Variants in CCT7 observed in about 807,000 individuals in gnomAD.
CCT7 encodes the protein chaperonin containing TCP1 subunit 7.
In CCT7, 16 loss-of-function variants were observed where a neutral mutation model predicts 56.6. The ratio of observed to expected loss-of-function variants is 0.28; its 90% CI spans 0.19 to 0.43. The LOEUF is 0.43. Among genes scored for constraint, CCT7 ranks in the 20% least tolerant of loss-of-function variants. The pLI is 1.00. For synonymous variants in CCT7, 262 were observed against 254.8 expected (o/e 1.03, Z -0.27); for missense variants, 519 against 685.6 (o/e 0.76, Z 2.71).
At chr2:73,234,820 A>G (rs889806499) in intron 1 of CCT7, among the ~76,000 whole-genome samples, 3 of 152,210 alleles carry the variant, frequency 2.0e-5, no homozygotes, top group African/African-American at 7.2e-5. Context: ...GCACAGGCAC[A>G]TTGGGGACCT....
chr2:73,241,092 C>T (rs60514098), intron 3 of CCT7, among the ~76,000 whole-genome samples: 9,519 of 148,548 alleles, frequency 0.064, 658 homozygotes, highest in African/African-American at 0.18. Flanking sequence ...TTCTTAATAC[C>T]ATGTTTAAGT....
rs1349979185 is a variant in CCT7 at position 73,247,898 on chromosome 2, A to G, written c.755A>G (p.Asn252Ser). The change falls in exon 7 of 12, where the codon AAT (asparagine) becomes AGT (serine). Residue 252 changes from asparagine to serine, a missense_variant. Around this residue, in one of 3 missense-constraint regions of CCT7, gnomAD observed 276 missense variants for 357.3 expected, o/e 0.77. Coordinates refer to ENST00000258091, the MANE Select transcript of CCT7 (RefSeq NM_006429.4). ...CTCGAGTTGAAAGCTGAGAAAGACA[A>G]TGCTGAGATAAGAGTCCACACAGTT... ...VELELKAEKD[N>S]AEIRVHTVED... 2 of 1,614,160 alleles carry G rather than the reference A, an allele frequency of 1.2e-6. No homozygotes were observed. Among genetic ancestry groups the G allele is most frequent in the Admixed American group, 3.3e-5 (2 of 60,026 alleles).
At position 73,243,097 on chromosome 2, in the gene CCT7, A is replaced by T; in HGVS notation, c.361A>T (p.Ile121Phe). Residue 121 changes from isoleucine to phenylalanine, a missense_variant, in exon 4 of 12, where the codon ATC (isoleucine) becomes TTC (phenylalanine). This residue lies in a region of CCT7 where 276 missense variants were observed against 357.3 expected (regional missense o/e 0.77). Coordinates refer to ENST00000258091, the MANE Select transcript of CCT7 (RefSeq NM_006429.4). ...GGAGGAAGGTTTACACCCCCAGATC[A>T]TCATTCGAGCTTTCCGCACAGCCAC... ...YVEEGLHPQI[I>F]IRAFRTATQL... 3 of 1,614,048 alleles carry T rather than the reference A, an allele frequency of 1.9e-6. No individual in the cohort carries two copies. The highest frequency in any genetic ancestry group is 2.5e-6 in the Non-Finnish European group (3 of 1,179,890).
chr2:73,239,230 C>T (rs1003034189), intron 1 of CCT7: 2 of 159,862 alleles, frequency 1.3e-5, no homozygotes, highest in African/African-American at 4.8e-5. Context: ...TAAGATTGAG[C>T]TGTAACACAG....
intron 1 of CCT7, chr2:73,239,041 G>C (rs1462545036): frequency 6.6e-6 from 1 of 152,350 alleles, no homozygotes; most frequent in Non-Finnish European, 1.5e-5. Flanking sequence ...ATTGCTGTAT[G>C]AATTAGATTT....
Position 73,244,065 on chromosome 2 carries a change from G to A in CCT7, c.446+16G>A. ...CAGATAAAGTGTAAGTCTGTAGTGG[G>A]TTTTTTTTTTTTTTTTTAAAGAGAC... On this transcript the variant is annotated intron_variant, in intron 5 of 11. Transcript: ENST00000258091. The A allele has an allele frequency of 3.5e-6, 5 of 1,438,316 alleles. No individual in the cohort carries two copies. The highest frequency in any genetic ancestry group is 3.8e-6 in the Non-Finnish European group (4 of 1,061,066). The allele number at this position is 1,438,316 out of a possible 1,614,324, so 89.1% of individuals were successfully genotyped here.
intron 7 of CCT7, 101 bp from the exon 8 acceptor site, chr2:73,248,890 C>T: frequency 1.1e-6 from 1 of 887,936 alleles, no homozygotes; most frequent in Non-Finnish European, 1.8e-6. Flanking sequence ...CCAGATGAAT[C>T]AGCATGTTTT....
chr2:73,250,403 C>A lies in CCT7; in HGVS notation c.1168C>A (p.His390Asn). Residue 390 changes from histidine (H) to asparagine (N), a missense_variant, in exon 10 of 12, where the codon CAT becomes AAT. Coordinates refer to ENST00000258091, the MANE Select transcript of CCT7 (RefSeq NM_006429.4). ...QFMEETERSL[H>N]DAIMIVRRAI... ...TATGGAGGAGACAGAGCGGTCCCTG[C>A]ATGATGCCATCATGATCGTCAGGAG... 6.2e-7 allele frequency: 1 copy of A among 1,614,130 alleles called. No individual in the cohort carries two copies. The highest frequency in any genetic ancestry group is 8.5e-7 in the Non-Finnish European group (1 of 1,180,006).
In CCT7 at chr2:73,234,392, G is replaced by C. The variant is rs1199502727; in HGVS notation, c.6+8G>C. On this transcript the variant is annotated splice_region_variant and intron_variant, in intron 1 of 11. Coordinates refer to ENST00000258091, the MANE Select transcript of CCT7 (RefSeq NM_006429.4). ...TAAGCTTCCAAAATGATGGTGAGTG[G>C]CGTCTCGCGCATCCGTCGCCATCAG... 2 of 1,613,196 alleles carry C rather than the reference G, an allele frequency of 1.2e-6. No individual in the cohort carries two copies. The highest frequency in any genetic ancestry group is 1.3e-5 in the African/African-American group (1 of 74,960).
At chr2:73,237,790 T>C (rs1365175247) in intron 1 of CCT7, 1 of 152,200 alleles carries the variant, frequency 6.6e-6, no homozygotes, top group Non-Finnish European at 1.5e-5. Context: ...GGGCCTGGCA[T>C]GGTGCCTCAT....
At chr2:73,239,940 T>TA in intron 2 of CCT7, 144 bp downstream of exon 2, 1 of 720,860 alleles carries the variant, frequency 1.4e-6, no homozygotes, top group Non-Finnish European at 2.3e-6. Context: ...TTCCAATTCT[T>TA]ATATTGTCCT....
chr2:73,251,221 T>C lies in CCT7; in HGVS notation c.1204-5T>C. On this transcript the variant is annotated splice_region_variant and splice_polypyrimidine_tract_variant and intron_variant, in intron 10 of 11. Coordinates refer to ENST00000258091, the MANE Select transcript of CCT7 (RefSeq NM_006429.4). Reference sequence around the variant, plus strand: ...TTACATTGAGAGGTGGTCTGATCTCTGCAGAATGATTCAGTGGTGGCTGGT... The same window carrying C: ...TTACATTGAGAGGTGGTCTGATCTCCGCAGAATGATTCAGTGGTGGCTGGT... 6.2e-7 allele frequency: 1 copy of C among 1,614,076 alleles called. No homozygotes were observed. The highest frequency in any genetic ancestry group is 8.5e-7 in the Non-Finnish European group (1 of 1,179,958).
intron 11 of CCT7, among the ~76,000 whole-genome samples, chr2:73,251,938 CAAA>C (rs34402523): frequency 7.4e-6 from 1 of 134,412 alleles, no homozygotes; most frequent in South Asian, 2.4e-4. Context: ...GACTCCATCT[CAAA>C]AAAAAAAAAA....
intron 6 of CCT7, among the ~76,000 whole-genome samples, chr2:73,247,255 G>T (rs1227002203): frequency 1.3e-5 from 2 of 152,168 alleles, no homozygotes; most frequent in Non-Finnish European, 1.5e-5. Flanking sequence ...CAAGGCTATA[G>T]TATCCATGCT....
At chr2:73,243,718 C>G in intron 4 of CCT7, 1 of 376,208 alleles carries the variant, frequency 2.7e-6, no homozygotes. Context: ...TCCACTCATT[C>G]GTTGTAGCGT....
rs771328532 is a variant in CCT7 at position 73,252,633 on chromosome 2, C to T, written c.1411-7C>T. ...ATATTACCTCCTTTCTTTTCCTACT[C>T]TTTTAGGGGGGTACATGGTATGGAG... On this transcript the variant is annotated splice_region_variant and splice_polypyrimidine_tract_variant and intron_variant, in intron 11 of 11. Coordinates refer to ENST00000258091, the MANE Select transcript of CCT7 (RefSeq NM_006429.4). The T allele has an allele frequency of 1.6e-5, 26 of 1,610,738 alleles. No homozygotes were observed. The Admixed American group carries it at 1.8e-4, about 11-fold the overall frequency.
chr2:73,250,995 T>A (rs1334737639), intron 10 of CCT7, among the ~76,000 whole-genome samples: 1 of 152,166 alleles, frequency 6.6e-6, no homozygotes. Context: ...CCAGTAATTG[T>A]GCCAGTGTCC....
intron 2 of CCT7, 36 bp from the exon 3 acceptor site, chr2:73,240,401 G>A: frequency 6.5e-7 from 1 of 1,537,124 alleles, no homozygotes; most frequent in Non-Finnish European, 9.0e-7. Flanking sequence ...CAGCATTTAA[G>A]AAAGGGGCTT....
rs758414021 is a variant in CCT7, at chr2:73,239,626, ATTTC to A, written c.7-9_7-6del. The A allele has an allele frequency of 2.5e-6, 4 of 1,611,862 alleles. No individual in the cohort carries two copies. Among genetic ancestry groups the A allele is most frequent in the Non-Finnish European group, 3.4e-6 (4 of 1,178,446 alleles). The stretch of plus-strand genomic sequence containing the variant: ...AATAGATGATTATTAAAAGCAGTTA[ATTTC>A]TTTCTTTTCTAGCCCACACCAGTTA... On this transcript the variant is annotated splice_polypyrimidine_tract_variant and intron_variant, in intron 1 of 11. Transcript: ENST00000258091.
Sources: allele counts gnomAD v4.1 joint callset (sites outside exome capture counted in the v4.1 genomes callset), GRCh38; gene constraint gnomAD v4.1.1; regional missense constraint gnomAD v4.1.1; transcripts MANE v1.5; gene names NCBI Gene and HGNC (gene_info 2026-07-23, HGNC 2026-07-21).